The following STOX2 variants were observed in gnomAD, a reference collection of about 807,000 sequenced individuals.
STOX2 encodes the protein storkhead box 2, also known as storkhead-box protein 2.
Under a neutral mutation model 60.9 loss-of-function variants are expected in STOX2, and 28 were observed. That is an observed-to-expected ratio of 0.46 (90% CI 0.34 to 0.63). The LOEUF is 0.63. Ranked by LOEUF, STOX2 falls within the 30% of genes least tolerant of loss-of-function variation. The pLI is 0.01. For missense variants in STOX2, 1,024 were observed against 1,187.7 expected (o/e 0.86, Z 2.03); for synonymous variants, 472 against 463.9 (o/e 1.02, Z -0.22).
At chr4:183,923,711 C>T (rs1742163630) in intron 1 of STOX2, among the ~76,000 whole-genome samples, 1 of 152,130 alleles carries the variant, frequency 6.6e-6, no homozygotes, top group South Asian at 2.1e-4. Flanking sequence ...TGGGCCCTTC[C>T]CAAGTTGCTT....
rs34402224 is a variant in STOX2 at position 184,009,136 on chromosome 4, G to GTT, written c.320-5_320-4dup. ...TGTTCTGTCTTCATTCTCACAAGTG[G>GTT]TTTTTTTTTTTTTTTTTTCAGGTGT... On this transcript the variant is annotated intron_variant, in intron 2 of 3. Transcript: ENST00000308497. The surrounding 1 kb of genome is among the most constrained non-coding windows in gnomAD (Gnocchi z 4.0). 62,189 of 708,114 alleles carry GTT rather than the reference G, an allele frequency of 0.088. 468 individuals carry two copies. The highest frequency in any genetic ancestry group is 0.12 in the South Asian group (5,475 of 45,244). The allele number at this position is 708,114 out of a possible 1,614,324, so 43.9% of individuals were successfully genotyped here.
chr4:183,903,116 T>C (rs912655968), upstream of STOX2, among the ~76,000 whole-genome samples: 1 of 152,232 alleles, frequency 6.6e-6, no homozygotes, highest in African/African-American at 2.4e-5. Context: ...AAAAATATCA[T>C]TGCTTCTTTG....
In STOX2 at chr4:184,000,808, C is replaced by T. The variant is rs146806994; in HGVS notation, c.167-517C>T. 5.2e-3 allele frequency among the ~76,000 whole-genome samples: 788 copies of T among 152,342 alleles called. 5 individuals carry two copies. Among genetic ancestry groups the T allele is most frequent in the Non-Finnish European group, 5.8e-3 (397 of 68,040 alleles). On this transcript the variant is annotated intron_variant, in intron 1 of 3. Coordinates refer to ENST00000308497, the MANE Select transcript of STOX2 (RefSeq NM_020225.3). ...GCCTGCCACGCAGCATTGCGAACTTCGTTCGATCTACTTGTCTGTCTTCTC... is the reference window on the plus strand; with the variant it reads ...GCCTGCCACGCAGCATTGCGAACTTTGTTCGATCTACTTGTCTGTCTTCTC...
At chr4:183,900,033 C>A (rs1741429514) in intron 1 of STOX2, among the ~76,000 whole-genome samples, 2 of 152,184 alleles carry the variant, frequency 1.3e-5, no homozygotes, top group African/African-American at 4.8e-5. Flanking sequence ...AATGCTAAAT[C>A]TACTCTGCTT....
intron 1 of STOX2, among the ~76,000 whole-genome samples, chr4:183,915,196 A>G (rs1741894589): frequency 6.6e-6 from 1 of 152,186 alleles, no homozygotes; most frequent in Non-Finnish European, 1.5e-5. Flanking sequence ...TAGCAGGACT[A>G]TTGCCTGGCC....
chr4:183,869,791 A>C (rs1164073978), intron 1 of STOX2, among the ~76,000 whole-genome samples: 1 of 152,228 alleles, frequency 6.6e-6, no homozygotes, highest in Non-Finnish European at 1.5e-5. Context: ...ATTCTTTGGA[A>C]GTTCCCATAT....
Position 183,906,473 on chromosome 4 carries a change from C to CT in STOX2, c.-317dup, listed in dbSNP as rs1218385269. On this transcript the variant is annotated 5_prime_UTR_variant, in exon 1 of 4. Coordinates refer to ENST00000308497, the MANE Select transcript of STOX2 (RefSeq NM_020225.3). ...TCGGCGCCCCCACCCCGCCCGCCCC[C>CT]TCCCCGCCTCCTCCCGGCCGGGGAG... The CT allele has an allele frequency of 6.3e-6, 1 of 157,628 alleles. No individual in the cohort carries two copies. Among genetic ancestry groups the CT allele is most frequent in the African/African-American group, 2.4e-5 (1 of 41,602 alleles). 9.8% of individuals were successfully genotyped at this position (157,628 alleles called of 1,614,324 possible). A position where few individuals can be genotyped will look rare whatever the true frequency, so the allele number is the denominator to read the frequency against.
At chr4:183,996,418 C>T (rs1451215956) in intron 1 of STOX2, among the ~76,000 whole-genome samples, 2 of 152,168 alleles carry the variant, frequency 1.3e-5, no homozygotes, top group Non-Finnish European at 2.9e-5. Context: ...AATTATAATC[C>T]ACATTTCATG....
rs1198064592 is a variant in STOX2, at chr4:183,842,837, T to C, written c.364+44782T>C. On this transcript the variant is annotated intron_variant, in intron 1 of 2. Coordinates refer to the STOX2 transcript ENST00000513034. ...GGTCACAGTGAGTTTTAAATTCTTT[T>C]TTTTTTTTTTTGAAATAAAAATGTT... Among the ~76,000 whole-genome samples the C allele has an allele frequency of 3.3e-5, 5 of 152,260 alleles. No individual in the cohort carries two copies. The East Asian group carries it at 7.7e-4, about 23-fold the overall frequency.
In STOX2 at chr4:184,009,943, A is replaced by G; in HGVS notation, c.1105A>G (p.Lys369Glu). The stretch of plus-strand genomic sequence containing the variant: ...TAGGACTCATCGGAAGTCCCATGGA[A>G]AGTCTCGGTCTCACAGCAAGACACG... ...KSRTHRKSHGKSRSHSKTRVS... is the reference protein window; with the variant it reads ...KSRTHRKSHGESRSHSKTRVS... The change falls in exon 3 of 4, where the codon AAG becomes GAG. Residue 369 changes from lysine (K) to glutamate (E), a missense_variant. Physicochemically the swap from Lys to Glu is moderately conservative, Grantham distance 56. Transcript: ENST00000308497. This position sits in a 1 kb window ranked among gnomAD's most constrained non-coding sequence, Gnocchi z 4.0. The G allele has an allele frequency of 6.2e-7, 1 of 1,613,674 alleles. No individual in the cohort carries two copies. Among genetic ancestry groups the G allele is most frequent in the Non-Finnish European group, 8.5e-7 (1 of 1,179,770 alleles).
chr4:183,914,020 T>G (rs760579402), intron 1 of STOX2, among the ~76,000 whole-genome samples: 5 of 152,176 alleles, frequency 3.3e-5, no homozygotes, highest in Non-Finnish European at 5.9e-5. Flanking sequence ...CCTAGTAAAA[T>G]GGACATTTAA....
rs370789317 is a variant in STOX2, at chr4:183,892,928, A to G, written c.364+94873A>G. 3.3e-4 allele frequency among the ~76,000 whole-genome samples: 50 copies of G among 152,282 alleles called. 1 individual carries two copies. In the East Asian group the frequency reaches 7.3e-3, roughly 22 times the overall value. On this transcript the variant is annotated intron_variant, in intron 1 of 2. Transcript: ENST00000513034. ...TTCCCTTACACCTAAAACTTAAGTA[A>G]TTTAGCTTTAAAAATGTATCATGGC...
chr4:183,931,240 A>G (rs1193750900), intron 1 of STOX2, among the ~76,000 whole-genome samples: 1 of 152,190 alleles, frequency 6.6e-6, no homozygotes, highest in East Asian at 1.9e-4. Flanking sequence ...GATGGCCAAC[A>G]TGGTGAAACC....
chr4:183,834,999 C>T (rs1290339809), intron 1 of STOX2, among the ~76,000 whole-genome samples: 4 of 152,080 alleles, frequency 2.6e-5, no homozygotes, highest in Non-Finnish European at 1.5e-5. Context: ...AGCAGAAGAT[C>T]TTTAGAGTTT....
chr4:183,843,134 C>T (rs1383116279), intron 1 of STOX2, among the ~76,000 whole-genome samples: 9 of 130,122 alleles, frequency 6.9e-5, no homozygotes, highest in Admixed American at 4.5e-4. Flanking sequence ...AGAGACAGAG[C>T]GAGACTCCAT....
chr4:183,841,781 T>C (rs552679124), intron 1 of STOX2, among the ~76,000 whole-genome samples: 1 of 152,346 alleles, frequency 6.6e-6, no homozygotes, highest in South Asian at 2.1e-4. Context: ...ATTGGATGAA[T>C]GATGAAATCA....
chr4:183,947,160 A>G (rs1742918775), intron 1 of STOX2, among the ~76,000 whole-genome samples: 1 of 152,180 alleles, frequency 6.6e-6, no homozygotes, highest in African/African-American at 2.4e-5. Flanking sequence ...ACTCTTGCAC[A>G]TCCTCCTGTA....
intron 1 of STOX2, among the ~76,000 whole-genome samples, chr4:183,814,389 T>C (rs547114335): frequency 5.3e-5 from 8 of 152,312 alleles, no homozygotes; most frequent in African/African-American, 1.9e-4. Flanking sequence ...TTTTAGGGAC[T>C]TTGCCGAGTA....
At chr4:183,984,204 G>C (rs1366554092) in intron 1 of STOX2, among the ~76,000 whole-genome samples, 1 of 152,218 alleles carries the variant, frequency 6.6e-6, no homozygotes, top group Non-Finnish European at 1.5e-5. Flanking sequence ...TGCTCATGGA[G>C]CTTATGTTAT....
Sources: gnomAD v4.1 joint callset for allele counts (sites outside exome capture counted in the v4.1 genomes callset) on GRCh38, gnomAD v4.1.1 for gene constraint, Gnocchi (gnomAD v3.1) non-coding constraint, MANE v1.5 for transcripts, NCBI Gene and HGNC (gene_info 2026-07-23, HGNC 2026-07-21) for gene names.